Variants in PREX2 observed in about 807,000 individuals in gnomAD.
PREX2 encodes the protein phosphatidylinositol 3,4,5-trisphosphate-dependent Rac exchanger 2 protein.
Under a neutral mutation model 203.2 loss-of-function variants are expected in PREX2, and 107 were observed. The observed-to-expected ratio is 0.53, with a 90% CI of 0.45 to 0.62. The LOEUF is 0.62. PREX2 is among the 20% of genes least tolerant of loss of function. PREX2 has a pLI of 0.00. For missense variants in PREX2, 1,777 were observed against 1,955.9 expected, an observed-to-expected ratio of 0.91 and a Z score of 1.72; for synonymous variants, 672 against 663.6, an observed-to-expected ratio of 1.01 and a Z score of -0.19.
rs544451216 is a variant in PREX2, at chr8:68,126,303, T to C, written c.3725-1075T>C. 9.9e-5 allele frequency among the ~76,000 whole-genome samples: 15 copies of C among 152,256 alleles called. No individual in the cohort carries two copies. In the South Asian group the frequency reaches 3.1e-3, roughly 32 times the overall value. The stretch of plus-strand genomic sequence containing the variant: ...AATAATAACAGTCTTCACCTGTATA[T>C]AGGATTTTAAACAAATTTCAAAGAC... On this transcript the variant is annotated intron_variant, in intron 30 of 39. Transcript: ENST00000288368.
intron 8 of PREX2, among the ~76,000 whole-genome samples, chr8:68,046,388 C>T (rs1014592006): frequency 3.3e-5 from 5 of 151,996 alleles, no homozygotes; most frequent in Admixed American, 1.3e-4. Flanking sequence ...GCTGTCTTCC[C>T]GTGTATCTGG....
At chr8:68,090,409 A>G (rs935802144) in intron 19 of PREX2, among the ~76,000 whole-genome samples, 170 bp from the exon 20 acceptor site, 1 of 152,232 alleles carries the variant, frequency 6.6e-6, no homozygotes. Context: ...AAGTTAAGTT[A>G]AAAAGCAGAA....
chr8:67,955,902 A>C (rs1805483433), intron 1 of PREX2, among the ~76,000 whole-genome samples: 2 of 152,244 alleles, frequency 1.3e-5, no homozygotes, highest in Admixed American at 1.3e-4. Flanking sequence ...GAATTTATGC[A>C]GTCAAAAATT....
At chr8:68,021,992 A>C in intron 3 of PREX2, 44 bp from the exon 4 acceptor site, 1 of 936,298 alleles carries the variant, frequency 1.1e-6, no homozygotes. Context: ...AAAATTGCAG[A>C]ATGGTGAATA....
chr8:68,092,545 A>T (rs1254078923), intron 20 of PREX2, among the ~76,000 whole-genome samples: 1 of 152,176 alleles, frequency 6.6e-6, no homozygotes, highest in African/African-American at 2.4e-5. Context: ...ATTTCTCTAA[A>T]TAAGACTGGA....
intron 10 of PREX2, among the ~76,000 whole-genome samples, chr8:68,058,537 T>G (rs1897876): frequency 0.29 from 44,460 of 151,842 alleles, 9,052 homozygotes; most frequent in African/African-American, 0.59. Flanking sequence ...GGGTTCAAGT[T>G]ATTCTCCTGT....
chr8:67,955,101 G>A (rs1805461626), intron 1 of PREX2, among the ~76,000 whole-genome samples: 1 of 129,672 alleles, frequency 7.7e-6, no homozygotes, highest in Non-Finnish European at 1.5e-5. Flanking sequence ...CCGAGATAAT[G>A]CCACTGCACT....
At chr8:68,093,422 G>C (rs374395483) in intron 20 of PREX2, among the ~76,000 whole-genome samples, 183 bp from the exon 21 acceptor site, 4 of 149,878 alleles carry the variant, frequency 2.7e-5, no homozygotes, top group Admixed American at 6.6e-5. Flanking sequence ...GAAAGAAAGA[G>C]TGTTTGTTAA....
intron 1 of PREX2, among the ~76,000 whole-genome samples, chr8:67,966,538 C>G (rs7824236): frequency 0.44 from 66,145 of 151,614 alleles, 15,037 homozygotes; most frequent in East Asian, 0.61. Flanking sequence ...GAAGTGGGAG[C>G]ATCTTTTAAG....
intron 1 of PREX2, among the ~76,000 whole-genome samples, chr8:68,011,565 A>T (rs1443249459): frequency 1.3e-5 from 2 of 152,184 alleles, no homozygotes; most frequent in Non-Finnish European, 2.9e-5. Flanking sequence ...ACTTACTGTT[A>T]TTCAGGTAGA....
chr8:68,004,850 T>A (rs1807047843), intron 1 of PREX2, among the ~76,000 whole-genome samples: 1 of 152,156 alleles, frequency 6.6e-6, no homozygotes, highest in African/African-American at 2.4e-5. Context: ...TAATAAAAAA[T>A]CAATTGACAT....
chr8:68,185,959 T>C (rs1230177387), intron 35 of PREX2, among the ~76,000 whole-genome samples: 4 of 148,566 alleles, frequency 2.7e-5, no homozygotes, highest in Admixed American at 2.7e-4. Flanking sequence ...GTTTTGGCAT[T>C]CATCAAATTT....
chr8:68,192,541 G>A lies in PREX2; in HGVS notation c.4604+16G>A, dbSNP rs374663306. On this transcript the variant is annotated intron_variant, in intron 37 of 39. Transcript: ENST00000288368. Reference sequence around the variant, plus strand: ...GTGTGCATCGGTATGTGACCCTCCCGCCTTGCTTGCCTCTTTGTTAGATCA... The same window carrying A: ...GTGTGCATCGGTATGTGACCCTCCCACCTTGCTTGCCTCTTTGTTAGATCA... 1.3e-5 allele frequency: 20 copies of A among 1,563,060 alleles called. No homozygotes were observed. The highest frequency in any genetic ancestry group is 1.1e-4 in the East Asian group (5 of 43,768).
Position 67,958,077 on chromosome 8 carries a change from C to G in PREX2, c.141+5542C>G, listed in dbSNP as rs375987802. 2.6e-5 allele frequency among the ~76,000 whole-genome samples: 4 copies of G among 152,294 alleles called. No individual in the cohort carries two copies. In the South Asian group the frequency reaches 8.3e-4, roughly 32 times the overall value. On this transcript the variant is annotated intron_variant, in intron 1 of 39. Transcript: ENST00000288368. Reference sequence around the variant, plus strand: ...CAGGAGAAACCAAACCTACTGACACCTTGATCTTAGATTTCTAAGCTTTCA... The same window carrying G: ...CAGGAGAAACCAAACCTACTGACACGTTGATCTTAGATTTCTAAGCTTTCA...
rs184197091 is a variant in PREX2, at chr8:68,208,940, A to G, written c.4605-8676A>G. ...CCTATCTCCACAAAAAATTTAAAAAATTAATGGCAGGCACCTGTAGTCAGG... is the reference window on the plus strand; with the variant it reads ...CCTATCTCCACAAAAAATTTAAAAAGTTAATGGCAGGCACCTGTAGTCAGG... On this transcript the variant is annotated intron_variant, in intron 37 of 39. Coordinates refer to ENST00000288368, the MANE Select transcript of PREX2 (RefSeq NM_024870.4). Among the ~76,000 whole-genome samples the G allele has an allele frequency of 4.9e-4, 75 of 152,054 alleles. 1 individual carries two copies. The highest frequency in any genetic ancestry group is 6.8e-3 in the Middle Eastern group (2 of 294).
At chr8:68,024,909 G>C (rs1388761466) in intron 4 of PREX2, among the ~76,000 whole-genome samples, 1 of 151,740 alleles carries the variant, frequency 6.6e-6, no homozygotes, top group Non-Finnish European at 1.5e-5. Context: ...GGGACATTTG[G>C]CTATAATATT....
chr8:68,072,055 A>G (rs887772228), intron 13 of PREX2, among the ~76,000 whole-genome samples: 2 of 152,184 alleles, frequency 1.3e-5, no homozygotes, highest in African/African-American at 4.8e-5. Flanking sequence ...AAATGAAATG[A>G]CATATAATGA....
At chr8:68,115,353 G>C (rs1047642101) in intron 25 of PREX2, among the ~76,000 whole-genome samples, 1 of 152,128 alleles carries the variant, frequency 6.6e-6, no homozygotes, top group Non-Finnish European at 1.5e-5. Context: ...TCATAAGGTG[G>C]TGATGGTTGT....
At chr8:68,105,154 G>A in intron 23 of PREX2, 3 of 1,367,784 alleles carry the variant, frequency 2.2e-6, no homozygotes, top group Non-Finnish European at 2.0e-6. Context: ...GCTTCAGAAA[G>A]GTTTTACAAT....
Sources: gnomAD v4.1 joint callset for allele counts (sites outside exome capture counted in the v4.1 genomes callset) on GRCh38, gnomAD v4.1.1 for gene constraint, MANE v1.5 for transcripts, NCBI Gene and HGNC (gene_info 2026-07-23, HGNC 2026-07-21) for gene names.